Variants in MARCHF3 observed in about 807,000 individuals in gnomAD.
MARCHF3 encodes E3 ubiquitin-protein ligase MARCHF3.
In MARCHF3, 13 loss-of-function variants were observed where a neutral mutation model predicts 24.2. The ratio of observed to expected loss-of-function variants is 0.54; its 90% CI spans 0.35 to 0.85. MARCHF3 has a LOEUF of 0.85. Ranked by LOEUF, MARCHF3 falls within the 40% of genes least tolerant of loss-of-function variation. The pLI is 0.01. For missense variants in MARCHF3, 276 were observed against 325.0 expected (o/e 0.85, Z 1.16); for synonymous variants, 144 against 137.3 (o/e 1.05, Z -0.34).
intron 1 of MARCHF3, among the ~76,000 whole-genome samples, chr5:126,950,173 G>C (rs1434727293): frequency 6.6e-6 from 1 of 152,128 alleles, no homozygotes; most frequent in Non-Finnish European, 1.5e-5. Flanking sequence ...ACAGCTTCTT[G>C]TCTAGTTTCC....
chr5:126,945,492 G>C (rs899143609), intron 1 of MARCHF3, among the ~76,000 whole-genome samples: 7 of 152,336 alleles, frequency 4.6e-5, no homozygotes, highest in African/African-American at 1.7e-4. Flanking sequence ...CAGGCAAATG[G>C]GAGAGAGAAG....
In MARCHF3 at chr5:126,930,868, C is replaced by T. The variant is rs74377486; in HGVS notation, c.-56-12641G>A. Among the ~76,000 whole-genome samples, 13 of 152,292 alleles carry T rather than the reference C, an allele frequency of 8.5e-5. No individual in the cohort carries two copies. The East Asian group carries it at 2.5e-3, about 29-fold the overall frequency. ...CTTTTTTGTTCTCTAAGAGCAGGGG[C>T]ATTTTCTGCCCATGATTGCCTTGTT... On this transcript the variant is annotated intron_variant, in intron 1 of 4. Coordinates refer to ENST00000308660, the MANE Select transcript of MARCHF3 (RefSeq NM_178450.5).
chr5:126,871,544 C>T (rs1228391530), intron 4 of MARCHF3, among the ~76,000 whole-genome samples: 1 of 152,220 alleles, frequency 6.6e-6, no homozygotes, highest in Non-Finnish European at 1.5e-5. Context: ...GCACTAGAAG[C>T]ATCTTGAGAG....
chr5:126,934,446 G>A (rs1175984501), intron 1 of MARCHF3, among the ~76,000 whole-genome samples: 6 of 137,102 alleles, frequency 4.4e-5, no homozygotes, highest in Admixed American at 4.4e-4. Flanking sequence ...TTTTTTTTTT[G>A]CATGAATTTT....
At chr5:126,931,913 G>A (rs1749491285) in intron 1 of MARCHF3, among the ~76,000 whole-genome samples, 1 of 152,174 alleles carries the variant, frequency 6.6e-6, no homozygotes, top group Non-Finnish European at 1.5e-5. Context: ...TGTGAGCGTT[G>A]GAGTTAGATA....
intron 4 of MARCHF3, among the ~76,000 whole-genome samples, chr5:126,874,510 T>A (rs577204830): frequency 8.1e-4 from 121 of 148,822 alleles, no homozygotes; most frequent in Non-Finnish European, 1.3e-3. Context: ...CGCTTGAACC[T>A]GGGAGGCGGA....
chr5:127,004,114 T>G (rs1035648658), intron 1 of MARCHF3, among the ~76,000 whole-genome samples: 23 of 152,200 alleles, frequency 1.5e-4, no homozygotes, highest in African/African-American at 5.1e-4. Flanking sequence ...CAGGAACAAA[T>G]GAGCCCTTTC....
intron 1 of MARCHF3, among the ~76,000 whole-genome samples, chr5:126,958,475 C>T (rs1750523726): frequency 6.6e-6 from 1 of 152,144 alleles, no homozygotes. Flanking sequence ...TAAAAGCCCA[C>T]TGCTTTTGTA....
At chr5:126,992,240 CCAT>C (rs1434861756) in intron 1 of MARCHF3, among the ~76,000 whole-genome samples, 1 of 151,968 alleles carries the variant, frequency 6.6e-6, no homozygotes, top group Non-Finnish European at 1.5e-5. Flanking sequence ...CCACAGGATA[CCAT>C]ATTTATTAGT....
intron 1 of MARCHF3, among the ~76,000 whole-genome samples, chr5:126,989,283 A>ATAC (rs957703114): frequency 6.1e-4 from 92 of 150,184 alleles, no homozygotes; most frequent in Admixed American, 2.1e-3. Context: ...TGTCTCTAGA[A>ATAC]TACTACTACT....
intron 4 of MARCHF3, among the ~76,000 whole-genome samples, chr5:126,871,669 T>C (rs1163258480): frequency 3.3e-5 from 5 of 152,164 alleles, no homozygotes; most frequent in African/African-American, 1.2e-4. Flanking sequence ...AAGCATCCTA[T>C]ATTTTCTGAT....
intron 3 of MARCHF3, among the ~76,000 whole-genome samples, chr5:126,905,285 C>T (rs1478063213): frequency 4.3e-5 from 6 of 138,794 alleles, no homozygotes; most frequent in African/African-American, 1.6e-4. Flanking sequence ...TTAGGATTGA[C>T]TTGGTGATGT....
chr5:126,935,761 CCA>C (rs1420493661), intron 1 of MARCHF3, among the ~76,000 whole-genome samples: 1 of 151,762 alleles, frequency 6.6e-6, no homozygotes, highest in African/African-American at 2.4e-5. Flanking sequence ...CAGGCGCCTG[CCA>C]CCATGCCTGG....
In MARCHF3 at chr5:126,868,054, C is replaced by T. The variant is rs1283461745; in HGVS notation, c.*2579G>A. Reference sequence around the variant, plus strand: ...ACGAGGGTCCTTTAGGTAAAGGACCCCCACTCCTCATCTCTTCCTCTTCAT... The same window carrying T: ...ACGAGGGTCCTTTAGGTAAAGGACCTCCACTCCTCATCTCTTCCTCTTCAT... On this transcript the variant is annotated 3_prime_UTR_variant, in exon 5 of 5. Transcript: ENST00000308660. The T allele has an allele frequency of 6.6e-6, 1 of 152,064 alleles. No individual in the cohort carries two copies. Among genetic ancestry groups the T allele is most frequent in the Non-Finnish European group, 1.5e-5 (1 of 68,012 alleles). The allele number at this position is 152,064 out of a possible 1,614,324, so 9.4% of individuals were successfully genotyped here.
At chr5:126,940,775 T>C (rs960037977) in intron 1 of MARCHF3, among the ~76,000 whole-genome samples, 4 of 152,070 alleles carry the variant, frequency 2.6e-5, no homozygotes, top group African/African-American at 9.7e-5. Context: ...TTTAAATTTT[T>C]GTTAAAATTA....
At chr5:126,941,261 T>A (rs935031003) in intron 1 of MARCHF3, among the ~76,000 whole-genome samples, 3 of 152,234 alleles carry the variant, frequency 2.0e-5, no homozygotes, top group African/African-American at 7.2e-5. Context: ...AAAGGAGAGC[T>A]GCTGAACTGA....
chr5:126,962,834 C>CGTGTGTGTGT (rs10635460), intron 1 of MARCHF3, among the ~76,000 whole-genome samples: 93 of 147,648 alleles, frequency 6.3e-4, no homozygotes, highest in Middle Eastern at 3.5e-3. Flanking sequence ...TGTGTGTGTG[C>CGTGTGTGTGT]GTGTGTGTGT....
rs185750523 is a variant in MARCHF3, at chr5:126,933,230, G to T, written c.-56-15003C>A. On this transcript the variant is annotated intron_variant, in intron 1 of 4. Transcript: ENST00000308660. Reference sequence around the variant, plus strand: ...ATTTTTATTAAGTTCTACTTTCAAGGTTACATAAAATATGCATCCTGTTCA... The same window carrying T: ...ATTTTTATTAAGTTCTACTTTCAAGTTTACATAAAATATGCATCCTGTTCA... Among the ~76,000 whole-genome samples, 1,477 of 152,236 alleles carry T rather than the reference G, an allele frequency of 9.7e-3. 17 individuals are homozygous for T. The highest frequency in any genetic ancestry group is 0.034 in the African/African-American group (1,410 of 41,520).
intron 3 of MARCHF3, among the ~76,000 whole-genome samples, chr5:126,913,333 G>C (rs1754603962): frequency 6.6e-6 from 1 of 152,220 alleles, no homozygotes; most frequent in Non-Finnish European, 1.5e-5. Context: ...TCCCTGGAGA[G>C]GCTGCAATAT....
Sources: allele counts gnomAD v4.1 joint callset (sites outside exome capture counted in the v4.1 genomes callset), GRCh38; gene constraint gnomAD v4.1.1; transcripts MANE v1.5; gene names NCBI Gene and HGNC (gene_info 2026-07-23, HGNC 2026-07-21).